The following OSBPL7 variants were observed in gnomAD, a reference collection of about 807,000 sequenced individuals.
OSBPL7 encodes the protein oxysterol binding protein like 7.
In OSBPL7, 66 loss-of-function variants were observed where a neutral mutation model predicts 115.8. The observed-to-expected ratio is 0.57, with a 90% confidence interval of 0.47 to 0.70. The LOEUF (loss-of-function observed/expected upper bound fraction) is 0.70. OSBPL7 is among the 30% of genes least tolerant of loss of function. OSBPL7 has a pLI of 0.00. For synonymous variants in OSBPL7, 441 were observed against 439.2 expected (o/e 1.00, Z -0.05); for missense variants, 902 against 1,125.5 (o/e 0.80, Z 2.84).
Position 47,816,267 on chromosome 17 carries a change from C to T in OSBPL7, c.1024-65G>A, listed in dbSNP as rs1364517840. 3 of 1,502,326 alleles carry T rather than the reference C, an allele frequency of 2.0e-6. No individual in the cohort carries two copies. The highest frequency in any genetic ancestry group is 2.7e-6 in the Non-Finnish European group (3 of 1,111,364). The allele number at this position is 1,502,326 out of a possible 1,614,324, so 93.1% of individuals were successfully genotyped here. On this transcript the variant is annotated intron_variant, in intron 11 of 22. Coordinates refer to ENST00000007414, the MANE Select transcript of OSBPL7 (RefSeq NM_145798.3). The surrounding 1 kb of genome is among the most constrained non-coding windows in gnomAD (Gnocchi z 5.8). ...AGGTCCTCCCCACCTTGCCGCATCT[C>T]TGCAGAGACTGCCTCTGCCAACCCC...
chr17:47,808,795 GC>G lies in OSBPL7; in HGVS notation c.2297+68del. On this transcript the variant is annotated intron_variant, in intron 21 of 22. Transcript: ENST00000007414. This position sits in a 1 kb window ranked among gnomAD's most constrained non-coding sequence, Gnocchi z 6.1. ...GGCCACTCAGTGAAGGAAGGACAAA[GC>G]CCCAGCTCTGTACTCTGTGGAGGGA... The G allele has an allele frequency of 1.2e-6, 2 of 1,605,596 alleles. No individual in the cohort carries two copies. Among genetic ancestry groups the G allele is most frequent in the Admixed American group, 3.4e-5 (2 of 59,684 alleles).
rs140649304 is a variant in OSBPL7, at chr17:47,810,962, T to C, written c.1738-127A>G. The C allele has an allele frequency of 2.4e-3, 2,106 of 893,426 alleles. 29 individuals carry two copies. The African/African-American group carries it at 0.031, about 13-fold the overall frequency. The allele number at this position is 893,426 out of a possible 1,614,324, so 55.3% of individuals were successfully genotyped here. A position where few individuals can be genotyped will look rare whatever the true frequency, so the allele number is the denominator to read the frequency against. On this transcript the variant is annotated intron_variant, in intron 16 of 22. Transcript: ENST00000007414. ...CAGTTGGTTCCAGGTTTCCTGTCCC[T>C]ATCACCCTTGGCCACCTCCTAAACC... is the stretch of plus-strand genomic sequence containing the variant.
rs1567937275 is a variant in OSBPL7, at chr17:47,808,373, T to G, written c.2447A>C (p.Glu816Ala). The change falls in exon 23 of 23, where the codon GAG becomes GCG. Residue 816 changes from glutamate to alanine, a missense_variant. Coordinates refer to ENST00000007414, the MANE Select transcript of OSBPL7 (RefSeq NM_145798.3). This position sits in a 1 kb window ranked among gnomAD's most constrained non-coding sequence, Gnocchi z 6.1. ...GTAGGTATTGTTGGTCACCCACCACTCTTTCCCGCTGCTATCCGTCTGCCG... is the reference window on the plus strand; with the variant it reads ...GTAGGTATTGTTGGTCACCCACCACGCTTTCCCGCTGCTATCCGTCTGCCG... ...FRRQTDSSGKEWWVTNNTYWR... is the reference protein window; with the variant it reads ...FRRQTDSSGKAWWVTNNTYWR... The G allele has an allele frequency of 6.2e-7, 1 of 1,614,116 alleles. No homozygotes were observed. Among genetic ancestry groups the G allele is most frequent in the Admixed American group, 1.7e-5 (1 of 60,028 alleles).
In OSBPL7 at chr17:47,814,424, AC is replaced by A. The variant is rs553418199; in HGVS notation, c.1351+96del. 528 of 1,154,602 alleles carry A rather than the reference AC, an allele frequency of 4.6e-4. 11 individuals are homozygous for A. In the South Asian group the frequency reaches 7.2e-3, roughly 16 times the overall value. The allele number at this position is 1,154,602 out of a possible 1,614,324, so 71.5% of individuals were successfully genotyped here. A position where few individuals can be genotyped will look rare whatever the true frequency, so the allele number is the denominator to read the frequency against. ...ATCCAAAGCCACTAGCCCATCAGTC[AC>A]CACAAGGGATGGCCTTTGCATGGGC... On this transcript the variant is annotated intron_variant, in intron 14 of 22. Transcript: ENST00000007414.
chr17:47,812,672 A>G (rs577481129), intron 16 of OSBPL7, among the ~76,000 whole-genome samples: 1 of 152,128 alleles, frequency 6.6e-6, no homozygotes, highest in South Asian at 2.1e-4. Flanking sequence ...AACCAAACAC[A>G]CCACAGCCTA....
chr17:47,816,446 G>T lies in OSBPL7; in HGVS notation c.965C>A (p.Thr322Asn), dbSNP rs2033219705. The T allele has an allele frequency of 6.5e-7, 1 of 1,547,572 alleles. No individual in the cohort carries two copies. The highest frequency in any genetic ancestry group is 2.4e-5 in the East Asian group (1 of 41,892). ...SSLSSVLAALTMERDQLRDMH... is the reference protein window; with the variant it reads ...SSLSSVLAALNMERDQLRDMH... ...GTCCCTCAGTTGGTCCCGTTCCATGGTGAGGGCGGCCAGGACGCTGCTGAG... is the reference window on the plus strand; with the variant it reads ...GTCCCTCAGTTGGTCCCGTTCCATGTTGAGGGCGGCCAGGACGCTGCTGAG... The change falls in exon 11 of 23, where the codon ACC becomes AAC. Residue 322 changes from threonine to asparagine, a missense_variant. This residue lies in a region of OSBPL7 where 667 missense variants were observed against 788.7 expected (regional missense o/e 0.85). Transcript: ENST00000007414. The surrounding 1 kb of genome is among the most constrained non-coding windows in gnomAD (Gnocchi z 5.8).
rs886516065 is a variant in OSBPL7, at chr17:47,816,077, CG to C, written c.1119+29del. The C allele has an allele frequency of 2.6e-6, 4 of 1,522,374 alleles. No individual in the cohort carries two copies. 94.3% of individuals were successfully genotyped at this position (1,522,374 alleles called of 1,614,324 possible). A position where few individuals can be genotyped will look rare whatever the true frequency, so the allele number is the denominator to read the frequency against. Reference sequence around the variant, plus strand: ...GCTGGGAGAGAAGGCACAGGAGAATCGGCCCCCACAGCCCACCCTGGCTCCT... The same window carrying C: ...GCTGGGAGAGAAGGCACAGGAGAATCGCCCCCACAGCCCACCCTGGCTCCT... On this transcript the variant is annotated intron_variant, in intron 12 of 22. Transcript: ENST00000007414. The surrounding 1 kb of genome is among the most constrained non-coding windows in gnomAD (Gnocchi z 5.8).
In OSBPL7 at chr17:47,818,522, C is replaced by T. The variant is rs1209133838; in HGVS notation, c.464G>A (p.Ser155Asn). ...RLDMPRGSLP[S>N]TAHRKVPGAQ... ...CCACCTTACCTTCCGGTGAGCAGTA[C>T]TGGGCAGTGAGCCACGGGGCATGTC... is the stretch of plus-strand genomic sequence containing the variant. The change falls in exon 6 of 23, where the codon AGT becomes AAT. Residue 155 changes from serine (S) to asparagine (N), a missense_variant. Around this residue, in one of 3 missense-constraint regions of OSBPL7, gnomAD observed 667 missense variants for 788.7 expected, o/e 0.85. Transcript: ENST00000007414. The T allele has an allele frequency of 6.2e-7, 1 of 1,607,412 alleles. No homozygotes were observed. The highest frequency in any genetic ancestry group is 1.1e-5 in the South Asian group (1 of 89,780).
chr17:47,816,094 C>G lies in OSBPL7; in HGVS notation c.1119+13G>C. 1.3e-6 allele frequency: 2 copies of G among 1,546,532 alleles called. No homozygotes were observed. The highest frequency in any genetic ancestry group is 1.7e-6 in the Non-Finnish European group (2 of 1,143,976). ...AGGAGAATCGGCCCCCACAGCCCAC[C>G]CTGGCTCCTCACCTCCTCAGGGTTG... is the stretch of plus-strand genomic sequence containing the variant. On this transcript the variant is annotated intron_variant, in intron 12 of 22. Transcript: ENST00000007414. This position sits in a 1 kb window ranked among gnomAD's most constrained non-coding sequence, Gnocchi z 5.8.
chr17:47,812,613 C>T (rs767682084), intron 16 of OSBPL7, among the ~76,000 whole-genome samples: 13 of 152,232 alleles, frequency 8.5e-5, no homozygotes, highest in African/African-American at 1.7e-4. Context: ...CGGGAGAGTA[C>T]GCTGCTGAGG....
At position 47,814,836 on chromosome 17, in the gene OSBPL7, G is replaced by A. The variant is rs975955820; in HGVS notation, c.1258-222C>T. ...GGGAGGGCCGGGCCCTGTGGCTGGC[G>A]GGAAAAAGCTCAGGGACTTGATGGG... On this transcript the variant is annotated intron_variant, in intron 13 of 22. Transcript: ENST00000007414. 1.5e-4 allele frequency: 85 copies of A among 583,668 alleles called. No homozygotes were observed. In the South Asian group the frequency reaches 1.5e-3, roughly 10 times the overall value. The allele number at this position is 583,668 out of a possible 1,614,324, so 36.2% of individuals were successfully genotyped here.
intron 1 of OSBPL7, chr17:47,820,750 G>C (rs1259108807): frequency 6.4e-6 from 1 of 156,944 alleles, no homozygotes; most frequent in Non-Finnish European, 1.4e-5. Flanking sequence ...TCAGAGACTG[G>C]ACAAGCGAGA....
chr17:47,820,430 TC>T, intron 1 of OSBPL7, 65 bp from the exon 2 acceptor site: 1 of 674,080 alleles, frequency 1.5e-6, no homozygotes, highest in Non-Finnish European at 2.5e-6. Context: ...CTCCAGCCCC[TC>T]CCACACCCTC....
rs2033202409 is a variant in OSBPL7, at chr17:47,816,022, C to T, written c.1119+85G>A. The T allele has an allele frequency of 1.6e-6, 2 of 1,286,322 alleles. No individual in the cohort carries two copies. The highest frequency in any genetic ancestry group is 2.1e-6 in the Non-Finnish European group (2 of 946,370). The allele number at this position is 1,286,322 out of a possible 1,614,324, so 79.7% of individuals were successfully genotyped here. On this transcript the variant is annotated intron_variant, in intron 12 of 22. Coordinates refer to ENST00000007414, the MANE Select transcript of OSBPL7 (RefSeq NM_145798.3). The surrounding 1 kb of genome is among the most constrained non-coding windows in gnomAD (Gnocchi z 5.8). Reference sequence around the variant, plus strand: ...GGCTGTCTTTGGGACTAAAAACCAACTTTGCCCACTGCCCTGGGCCTTGGC... The same window carrying T: ...GGCTGTCTTTGGGACTAAAAACCAATTTTGCCCACTGCCCTGGGCCTTGGC...
intron 14 of OSBPL7, among the ~76,000 whole-genome samples, 165 bp from the exon 15 acceptor site, chr17:47,813,999 T>G: frequency 6.6e-6 from 1 of 152,142 alleles, no homozygotes; most frequent in East Asian, 1.9e-4. Context: ...GGGCTCTAAC[T>G]GCTGACAAGT....
At position 47,808,860 on chromosome 17, in the gene OSBPL7, TG is replaced by T. The variant is rs772659234; in HGVS notation, c.2297+3del. The T allele has an allele frequency of 4.2e-5, 67 of 1,614,216 alleles. 1 individual carries two copies. The East Asian group carries it at 6.7e-4, about 16-fold the overall frequency. ...TTCTAGGCCGGCACCCATCCGGCACTGACCTCTGGTCTGGCCGGAGTCTCGT... is the reference window on the plus strand; with the variant it reads ...TTCTAGGCCGGCACCCATCCGGCACTACCTCTGGTCTGGCCGGAGTCTCGT... On this transcript the variant is annotated splice_donor_region_variant and intron_variant, in intron 21 of 22. Coordinates refer to ENST00000007414, the MANE Select transcript of OSBPL7 (RefSeq NM_145798.3). This position sits in a 1 kb window ranked among gnomAD's most constrained non-coding sequence, Gnocchi z 6.1.
chr17:47,808,012 G>A lies in OSBPL7; in HGVS notation c.*279C>T, dbSNP rs2032908673. On this transcript the variant is annotated 3_prime_UTR_variant, in exon 23 of 23. Transcript: ENST00000007414. This position sits in a 1 kb window ranked among gnomAD's most constrained non-coding sequence, Gnocchi z 6.1. ...AGTCTCCCCCAAGTACCCCAAAGGG[G>A]ACAGGAATCGGAATGGTGAAGCGGG... 2 of 484,410 alleles carry A rather than the reference G, an allele frequency of 4.1e-6. No individual in the cohort carries two copies. Among genetic ancestry groups the A allele is most frequent in the South Asian group, 2.5e-5 (1 of 39,898 alleles). The allele number at this position is 484,410 out of a possible 1,614,324, so 30.0% of individuals were successfully genotyped here. A position where few individuals can be genotyped will look rare whatever the true frequency, so the allele number is the denominator to read the frequency against.
chr17:47,818,137 G>C, intron 7 of OSBPL7, 132 bp downstream of exon 7: 1 of 750,718 alleles, frequency 1.3e-6, no homozygotes. Flanking sequence ...AGGTAGACTG[G>C]ATCTCCTTGG....
Position 47,818,747 on chromosome 17 carries a change from T to C in OSBPL7, c.370-131A>G, listed in dbSNP as rs2033308279. On this transcript the variant is annotated intron_variant, in intron 5 of 22. Coordinates refer to ENST00000007414, the MANE Select transcript of OSBPL7 (RefSeq NM_145798.3). Reference sequence around the variant, plus strand: ...AGAGCCTGGTTTGTGCAAGGCTCACTTGCAGGGAGACAGAGCGCAAGGCGC... The same window carrying C: ...AGAGCCTGGTTTGTGCAAGGCTCACCTGCAGGGAGACAGAGCGCAAGGCGC... The C allele has an allele frequency of 6.8e-6, 6 of 883,516 alleles. No homozygotes were observed. The Admixed American group carries it at 1.3e-4, about 19-fold the overall frequency. 54.7% of individuals were successfully genotyped at this position (883,516 alleles called of 1,614,324 possible). A position where few individuals can be genotyped will look rare whatever the true frequency, so the allele number is the denominator to read the frequency against.
Sources: allele counts gnomAD v4.1 joint callset (sites outside exome capture counted in the v4.1 genomes callset), GRCh38; gene constraint gnomAD v4.1.1; regional missense constraint gnomAD v4.1.1; non-coding constraint Gnocchi (gnomAD v3.1); transcripts MANE v1.5; gene names NCBI Gene and HGNC (gene_info 2026-07-23, HGNC 2026-07-21).